CDH2: variants seen among roughly 807,000 people sequenced by gnomAD.
CDH2 encodes the protein cadherin-2.
Under a neutral mutation model 92.0 loss-of-function variants are expected in CDH2, and 17 were observed. That is an observed-to-expected ratio of 0.18 (90% CI 0.13 to 0.28). CDH2 has a LOEUF of 0.28. Ranked by LOEUF, CDH2 falls within the 10% of genes least tolerant of loss-of-function variation. The pLI, the probability that CDH2 is intolerant of heterozygous loss-of-function variation, is 1.00. For missense variants in CDH2, 862 were observed against 1,133.1 expected (o/e 0.76, Z 3.44); for synonymous variants, 419 against 415.9 (o/e 1.01, Z -0.09).
chr18:27,961,946 C>A (rs1175370463), intron 15 of CDH2, among the ~76,000 whole-genome samples: 2 of 150,602 alleles, frequency 1.3e-5, no homozygotes, highest in East Asian at 1.9e-4. Flanking sequence ...CTACAAAAAC[C>A]AAAAAAAATT....
At chr18:28,089,231 A>G (rs1055848098) in intron 2 of CDH2, among the ~76,000 whole-genome samples, 1 of 152,220 alleles carries the variant, frequency 6.6e-6, no homozygotes, top group Admixed American at 6.5e-5. Context: ...TCTCTACCAG[A>G]TGAGGACACC....
intron 1 of CDH2, among the ~76,000 whole-genome samples, chr18:28,171,045 C>A (rs1317940874): frequency 6.6e-6 from 1 of 151,908 alleles, no homozygotes; most frequent in Non-Finnish European, 1.5e-5. Context: ...ACCAGCCTTG[C>A]CAACATGGTG....
Position 28,166,170 on chromosome 18 carries a change from A to ATATATATATATATATATATATATATATG in CDH2, c.60+10792_60+10793insCATATATATATATATATATATATATATA, listed in dbSNP as rs1020592723. Among the ~76,000 whole-genome samples, 77 of 136,056 alleles carry ATATATATATATATATATATATATATATG rather than the reference A, an allele frequency of 5.7e-4. 1 individual carries two copies. The highest frequency in any genetic ancestry group is 2.2e-3 in the African/African-American group (75 of 34,818). 89.3% of individuals were successfully genotyped at this position (136,056 alleles called of 152,430 possible). A position where few individuals can be genotyped will look rare whatever the true frequency, so the allele number is the denominator to read the frequency against. ...CACTCATATATATATATATATATATATATGTCTGTATTTTAATTATGAAGA... is the reference window on the plus strand; with the variant it reads ...CACTCATATATATATATATATATATATATATATATATATATATATATATATATGTATGTCTGTATTTTAATTATGAAGA... On this transcript the variant is annotated intron_variant, in intron 1 of 15. Transcript: ENST00000269141.
At chr18:28,128,389 A>G (rs1449885201) in intron 2 of CDH2, among the ~76,000 whole-genome samples, 1 of 152,142 alleles carries the variant, frequency 6.6e-6, no homozygotes, top group Non-Finnish European at 1.5e-5. Flanking sequence ...TGATGTGGCT[A>G]CTGTTCAAAA....
In CDH2 at chr18:27,990,347, T is replaced by C. The variant is rs200762335; in HGVS notation, c.1348A>G (p.Ile450Val). 1.2e-5 allele frequency: 19 copies of C among 1,606,562 alleles called. No homozygotes were observed. The highest frequency in any genetic ancestry group is 6.7e-5 in the East Asian group (3 of 44,724). The change falls in exon 10 of 16, where the codon ATC becomes GTC. Residue 450 changes from isoleucine to valine, a missense_variant. Ile to Val is a conservative substitution (Grantham distance 29, BLOSUM62 3). Transcript: ENST00000269141. ...AACATCCTATTTGTTTCAAAGTCGA[T>C]TGGCTGGAAAATAAAAGGGAAGCCA... is the stretch of plus-strand genomic sequence containing the variant. ...NDGLVTVVKP[I>V]DFETNRMFVL...
At chr18:28,112,719 CA>C (rs2015432941) in intron 2 of CDH2, among the ~76,000 whole-genome samples, 1 of 152,040 alleles carries the variant, frequency 6.6e-6, no homozygotes, top group Admixed American at 6.6e-5. Context: ...ACAACAACAA[CA>C]ACAACAATTT....
chr18:27,990,430 A>C (rs1269458131), intron 9 of CDH2, 80 bp from the exon 10 acceptor site: 107 of 1,355,354 alleles, frequency 7.9e-5, no homozygotes, highest in Non-Finnish European at 9.1e-5. Context: ...TATCAACTCC[A>C]TTTCCAAAAA....
chr18:27,961,831 G>A lies in CDH2; in HGVS notation c.2514+1526C>T, dbSNP rs546284438. 1.2e-3 allele frequency among the ~76,000 whole-genome samples: 186 copies of A among 152,196 alleles called. 1 individual carries two copies. The highest frequency in any genetic ancestry group is 4.2e-3 in the African/African-American group (176 of 41,508). Reference sequence around the variant, plus strand: ...AAGTATGGTTCCAGCTGGGCACAGTGGCTCAGGCCTGTAATCCCAGCACAT... The same window carrying A: ...AAGTATGGTTCCAGCTGGGCACAGTAGCTCAGGCCTGTAATCCCAGCACAT... On this transcript the variant is annotated intron_variant, in intron 15 of 15. Coordinates refer to ENST00000269141, the MANE Select transcript of CDH2 (RefSeq NM_001792.5).
chr18:27,944,972 ATATT>A (rs1392274226), intron 6 of CDH2, among the ~76,000 whole-genome samples: 50 of 152,204 alleles, frequency 3.3e-4, no homozygotes, highest in African/African-American at 1.2e-3. Context: ...CATAAAATAT[ATATT>A]CTCAGATTTT....
chr18:27,949,868 C>T (rs1909369271), downstream of CDH2, among the ~76,000 whole-genome samples: 1 of 151,656 alleles, frequency 6.6e-6, no homozygotes, highest in Non-Finnish European at 1.5e-5. Flanking sequence ...CTTACAAACA[C>T]TTAAAGTTTA....
At chr18:27,997,897 C>T (rs997172383) in intron 7 of CDH2, among the ~76,000 whole-genome samples, 1 of 152,042 alleles carries the variant, frequency 6.6e-6, no homozygotes, top group Non-Finnish European at 1.5e-5. Context: ...AGCTCTGCCT[C>T]CCGGGTTCAC....
chr18:28,098,288 T>C (rs1253451093), intron 2 of CDH2, among the ~76,000 whole-genome samples: 3 of 152,158 alleles, frequency 2.0e-5, no homozygotes, highest in Non-Finnish European at 4.4e-5. Flanking sequence ...GGAAACTCAA[T>C]TTTTGAAAAA....
Position 27,995,790 on chromosome 18 carries a change from C to G in CDH2, c.1021-2153G>C, listed in dbSNP as rs73400022. Among the ~76,000 whole-genome samples, 1,230 of 151,682 alleles carry G rather than the reference C, an allele frequency of 8.1e-3. 17 individuals carry two copies. Among genetic ancestry groups the G allele is most frequent in the African/African-American group, 0.028 (1,165 of 41,474 alleles). On this transcript the variant is annotated intron_variant, in intron 7 of 15. Coordinates refer to ENST00000269141, the MANE Select transcript of CDH2 (RefSeq NM_001792.5). ...AAGGACACTTGTTATTTCCAAAGTA[C>G]AATATCTCTTCAAATAAAAAAAAAA...
rs200380794 is a variant in CDH2 at position 27,985,726 on chromosome 18, T to A, written c.1777A>T (p.Ile593Phe). ...TTGTCATTAATATCAAGTAAATAGA[T>A]CTGCAGCGTTCCTGTTCCACTCATA... ...PPMSGTGTLQ[I>F]YLLDINDNAP... The change falls in exon 12 of 16, where the codon ATC (isoleucine) becomes TTC (phenylalanine). Residue 593 changes from isoleucine (I) to phenylalanine (F), a missense_variant. Coordinates refer to ENST00000269141, the MANE Select transcript of CDH2 (RefSeq NM_001792.5). The A allele has an allele frequency of 6.2e-7, 1 of 1,612,932 alleles. No individual in the cohort carries two copies. The highest frequency in any genetic ancestry group is 8.5e-7 in the Non-Finnish European group (1 of 1,179,134).
chr18:28,073,798 G>A (rs1489369617), intron 2 of CDH2, among the ~76,000 whole-genome samples: 2 of 152,120 alleles, frequency 1.3e-5, no homozygotes, highest in Non-Finnish European at 2.9e-5. Flanking sequence ...CTAGCCATGT[G>A]ACCTTGGGAG....
At chr18:28,023,470 T>TGCACC (rs1443469932) in intron 2 of CDH2, among the ~76,000 whole-genome samples, 1 of 149,636 alleles carries the variant, frequency 6.7e-6, no homozygotes, top group Non-Finnish European at 1.5e-5. Flanking sequence ...AGTACAGGCG[T>TGCACC]GCACCACCAT....
intron 7 of CDH2, among the ~76,000 whole-genome samples, chr18:28,002,655 C>T (rs2012802327): frequency 6.6e-6 from 1 of 152,104 alleles, no homozygotes; most frequent in African/African-American, 2.4e-5. Flanking sequence ...AGTTTGTGTG[C>T]AAATTATTTG....
At chr18:27,990,698 C>T (rs1206295357) in intron 9 of CDH2, among the ~76,000 whole-genome samples, 2 of 152,170 alleles carry the variant, frequency 1.3e-5, no homozygotes, top group South Asian at 2.1e-4. Context: ...CAAGTGAGAA[C>T]ATGATGGTCT....
At chr18:27,937,695 A>G (rs1274755725) in intron 6 of CDH2, among the ~76,000 whole-genome samples, 1 of 152,178 alleles carries the variant, frequency 6.6e-6, no homozygotes, top group Admixed American at 6.5e-5. Flanking sequence ...ATTATAAGTG[A>G]GCCAAGGATG....
Sources: allele counts gnomAD v4.1 joint callset (sites outside exome capture counted in the v4.1 genomes callset), GRCh38; gene constraint gnomAD v4.1.1; transcripts MANE v1.5; gene names NCBI Gene and HGNC (gene_info 2026-07-23, HGNC 2026-07-21).